RBFOX1: variants seen among roughly 807,000 people sequenced by gnomAD.
The protein encoded by RBFOX1 is RNA binding fox-1 homolog 1.
RBFOX1 carries 8 observed loss-of-function variants against 57.7 expected under a neutral mutation model. That is an observed-to-expected ratio of 0.14 (90% CI 0.08 to 0.25). The LOEUF (loss-of-function observed/expected upper bound fraction) is 0.25, where lower values mean the gene tolerates loss of function less well. Among genes scored for constraint, RBFOX1 ranks in the 10% least tolerant of loss-of-function variants. The pLI is 1.00. For missense variants in RBFOX1, 611 were observed against 548.5 expected, an observed-to-expected ratio of 1.11 and a Z score of -1.14; for synonymous variants, 326 against 222.4, an observed-to-expected ratio of 1.47 and a Z score of -4.15.
At position 6,466,735 on chromosome 16, in the gene RBFOX1, C is replaced by G. The variant is rs949980689; in HGVS notation, c.-64+149678C>G. Among the ~76,000 whole-genome samples, 4 of 152,112 alleles carry G rather than the reference C, an allele frequency of 2.6e-5. No homozygotes were observed. In the East Asian group the frequency reaches 7.7e-4, roughly 29 times the overall value. On this transcript the variant is annotated intron_variant, in intron 2 of 15. Transcript: ENST00000550418. Reference sequence around the variant, plus strand: ...AAGGTATTTTGAACTAGGCGAGGCTCTCTTAGTTCGAATAATAGCATGCTG... The same window carrying G: ...AAGGTATTTTGAACTAGGCGAGGCTGTCTTAGTTCGAATAATAGCATGCTG...
At chr16:7,705,917 G>A (rs909402397) in intron 14 of RBFOX1, among the ~76,000 whole-genome samples, 2 of 152,182 alleles carry the variant, frequency 1.3e-5, no homozygotes, top group Non-Finnish European at 2.9e-5. Context: ...TGATCTGACT[G>A]CACTACTGCC....
At chr16:6,240,281 G>A (rs1431030191) in intron 1 of RBFOX1, among the ~76,000 whole-genome samples, 1 of 152,136 alleles carries the variant, frequency 6.6e-6, no homozygotes, top group Admixed American at 6.5e-5. Flanking sequence ...TTATAGCAGT[G>A]CAAGAGTGGC....
chr16:6,390,751 C>G (rs2109459), intron 2 of RBFOX1, among the ~76,000 whole-genome samples: 1 of 151,814 alleles, frequency 6.6e-6, no homozygotes, highest in African/African-American at 2.4e-5. Flanking sequence ...CTATAAATAT[C>G]GGGGCAGGGG....
At chr16:5,546,862 A>T (rs965511793) in intron 2 of RBFOX1, among the ~76,000 whole-genome samples, 29 of 152,346 alleles carry the variant, frequency 1.9e-4, no homozygotes, top group African/African-American at 6.7e-4. Context: ...TATATATCTG[A>T]TAAAGGACTT....
At chr16:6,714,421 A>G (rs2064351755) in intron 3 of RBFOX1, among the ~76,000 whole-genome samples, 1 of 152,174 alleles carries the variant, frequency 6.6e-6, no homozygotes, top group South Asian at 2.1e-4. Context: ...TTGTGAAGCC[A>G]CTGACCACTA....
intron 1 of RBFOX1, among the ~76,000 whole-genome samples, chr16:6,093,817 A>C (rs2096210000): frequency 6.6e-6 from 1 of 150,842 alleles, no homozygotes. Flanking sequence ...TGGGGGTCTC[A>C]CTGTGTTGCC....
intron 4 of RBFOX1, among the ~76,000 whole-genome samples, chr16:7,360,008 CAAAA>C (rs935758270): frequency 7.5e-5 from 11 of 146,220 alleles, no homozygotes; most frequent in Admixed American, 1.4e-4. Flanking sequence ...AACAAACAAA[CAAAA>C]AAACCACTCT....
At chr16:5,592,842 C>G (rs1435525652) in intron 2 of RBFOX1, among the ~76,000 whole-genome samples, 2 of 152,104 alleles carry the variant, frequency 1.3e-5, no homozygotes, top group Admixed American at 6.6e-5. Context: ...TGTCAGAGCC[C>G]TGGGGTCAGA....
chr16:6,898,969 A>G (rs1323678745), intron 3 of RBFOX1, among the ~76,000 whole-genome samples: 2 of 150,872 alleles, frequency 1.3e-5, no homozygotes, highest in African/African-American at 4.9e-5. Context: ...GTGTATGTGT[A>G]TGATGTGTGT....
rs146183351 is a variant in RBFOX1 at position 7,077,206 on chromosome 16, G to A, written c.27+25108G>A. Among the ~76,000 whole-genome samples, 268 of 152,286 alleles carry A rather than the reference G, an allele frequency of 1.8e-3. 4 individuals are homozygous for A. Among genetic ancestry groups the A allele is most frequent in the African/African-American group, 6.2e-3 (258 of 41,546 alleles). ...AGCTGCGCACATAATGCTCCAATCAGGCTAGTCTTTGTTCAGACAATCCAT... is the reference window on the plus strand; with the variant it reads ...AGCTGCGCACATAATGCTCCAATCAAGCTAGTCTTTGTTCAGACAATCCAT... On this transcript the variant is annotated intron_variant, in intron 4 of 15. Transcript: ENST00000550418.
At chr16:7,423,226 G>T (rs143934196) in intron 4 of RBFOX1, among the ~76,000 whole-genome samples, 90 of 152,246 alleles carry the variant, frequency 5.9e-4, no homozygotes, top group African/African-American at 2.1e-3. Flanking sequence ...AGACCAGTTC[G>T]TGGGGTACCT....
chr16:7,633,767 G>A (rs566809992), intron 11 of RBFOX1, among the ~76,000 whole-genome samples: 1 of 152,160 alleles, frequency 6.6e-6, no homozygotes, highest in African/African-American at 2.4e-5. Flanking sequence ...TTTGCAGGCT[G>A]TGCATTGGTG....
intron 4 of RBFOX1, among the ~76,000 whole-genome samples, chr16:5,968,460 T>C (rs544915538): frequency 7.9e-5 from 12 of 152,352 alleles, no homozygotes; most frequent in African/African-American, 2.2e-4. Flanking sequence ...CCTTTCTGTG[T>C]GTAGGTGACT....
chr16:5,467,194 CTCTTT>C, intron 1 of RBFOX1: 1 of 1,448,794 alleles, frequency 6.9e-7, no homozygotes, highest in Non-Finnish European at 9.2e-7. Flanking sequence ...CTCTCTCTCT[CTCTTT>C]TTTTTTTTTA....
chr16:6,467,317 G>T (rs1182862118), intron 2 of RBFOX1, among the ~76,000 whole-genome samples: 1 of 151,610 alleles, frequency 6.6e-6, no homozygotes, highest in East Asian at 1.9e-4. Context: ...TATTATGTGG[G>T]TTAACATACA....
chr16:6,981,272 C>T (rs577107148), intron 3 of RBFOX1, among the ~76,000 whole-genome samples: 10 of 152,046 alleles, frequency 6.6e-5, no homozygotes, highest in African/African-American at 2.4e-4. Flanking sequence ...CTCCTCCCAC[C>T]ATTCACCCTC....
rs113956939 is a variant in RBFOX1, at chr16:7,494,942, A to G, written c.28-23205A>G. ...TATTGGACCAAGGTAATGAGCATAGAAGCCAACAGGTAGTTTTTTACTCCA... is the reference window on the plus strand; with the variant it reads ...TATTGGACCAAGGTAATGAGCATAGGAGCCAACAGGTAGTTTTTTACTCCA... On this transcript the variant is annotated intron_variant, in intron 4 of 15. Transcript: ENST00000550418. 3.2e-3 allele frequency among the ~76,000 whole-genome samples: 483 copies of G among 151,640 alleles called. 1 individual carries two copies. The highest frequency in any genetic ancestry group is 0.011 in the African/African-American group (464 of 41,280).
At chr16:6,520,989 A>G (rs1220736521) in intron 2 of RBFOX1, among the ~76,000 whole-genome samples, 1 of 152,194 alleles carries the variant, frequency 6.6e-6, no homozygotes, top group Non-Finnish European at 1.5e-5. Context: ...GTAAATTGGC[A>G]TAAATTTTCC....
chr16:7,322,044 C>G (rs889014873), intron 4 of RBFOX1, among the ~76,000 whole-genome samples: 1 of 152,222 alleles, frequency 6.6e-6, no homozygotes. Flanking sequence ...ACAGTTTTAT[C>G]TGCTACCTCC....
Sources: allele counts gnomAD v4.1 joint callset (sites outside exome capture counted in the v4.1 genomes callset), GRCh38; gene constraint gnomAD v4.1.1; transcripts MANE v1.5; gene names NCBI Gene and HGNC (gene_info 2026-07-23, HGNC 2026-07-21).